The following HVCN1 variants were observed in gnomAD, a reference collection of about 807,000 sequenced individuals.
HVCN1 encodes hydrogen voltage gated channel 1.
A neutral mutation model predicts 29.2 loss-of-function variants in HVCN1; 14 were observed. The ratio of observed to expected loss-of-function variants is 0.48; its 90% CI spans 0.32 to 0.75. The LOEUF (loss-of-function observed/expected upper bound fraction) is 0.75. HVCN1 is among the 30% of genes least tolerant of loss of function. The probability of loss-of-function intolerance (pLI) is 0.04; values close to 1 mark genes in which losing one functional copy is unlikely to be tolerated. For synonymous variants in HVCN1, 131 were observed against 133.2 expected (o/e 0.98, Z 0.11); for missense variants, 263 against 341.8 (o/e 0.77, Z 1.82).
At chr12:110,703,988 T>C (rs1319362598) in intron 1 of HVCN1, among the ~76,000 whole-genome samples, 7 of 152,058 alleles carry the variant, frequency 4.6e-5, no homozygotes, top group Non-Finnish European at 1.0e-4. Flanking sequence ...CCTGGCCTAT[T>C]TTTCTCTTTT....
intron 7 of HVCN1, 147 bp from the exon 8 acceptor site, chr12:110,649,622 C>T: frequency 1.5e-6 from 1 of 671,134 alleles, no homozygotes; most frequent in Non-Finnish European, 2.7e-6. Flanking sequence ...GAGGAGACTG[C>T]TACAATCAGA....
rs539571779 is a variant in HVCN1, at chr12:110,656,441, C to T, written c.307-1103G>A. Among the ~76,000 whole-genome samples the T allele has an allele frequency of 8.0e-4, 121 of 152,060 alleles. 1 individual carries two copies. Among genetic ancestry groups the T allele is most frequent in the South Asian group, 1.7e-3 (8 of 4,804 alleles). ...CGGTGACAGCTGGTGATGATGTTGG[C>T]GAGGGCACTGATGGCAGGGTGGAGG... is the stretch of plus-strand genomic sequence containing the variant. On this transcript the variant is annotated intron_variant, in intron 4 of 7. Transcript: ENST00000242607.
At chr12:110,656,486 A>G (rs557885894) in intron 4 of HVCN1, among the ~76,000 whole-genome samples, 36 of 152,276 alleles carry the variant, frequency 2.4e-4, no homozygotes, top group Admixed American at 1.6e-3. Flanking sequence ...TGGGGTTACC[A>G]TAATGGCAGT....
intron 3 of HVCN1, among the ~76,000 whole-genome samples, chr12:110,672,313 C>T (rs2068604709): frequency 1.3e-5 from 2 of 152,176 alleles, no homozygotes; most frequent in Non-Finnish European, 2.9e-5. Context: ...TATTGCTTGA[C>T]TTTACAAGAG....
intron 4 of HVCN1, among the ~76,000 whole-genome samples, chr12:110,657,968 G>A (rs1050420858): frequency 6.6e-6 from 1 of 152,174 alleles, no homozygotes; most frequent in Non-Finnish European, 1.5e-5. Flanking sequence ...GCGTCCTCTC[G>A]GGGAAAGTGG....
intron 2 of HVCN1, among the ~76,000 whole-genome samples, chr12:110,701,093 T>A (rs2069559464): frequency 6.6e-6 from 1 of 152,216 alleles, no homozygotes; most frequent in African/African-American, 2.4e-5. Flanking sequence ...AGAGGCCGCA[T>A]CTGGTCTCAC....
At chr12:110,656,337 C>T (rs1015426990) in intron 4 of HVCN1, among the ~76,000 whole-genome samples, 7 of 152,036 alleles carry the variant, frequency 4.6e-5, no homozygotes, top group Non-Finnish European at 8.8e-5. Flanking sequence ...TGACAGAGGA[C>T]AGGTGGGGAG....
chr12:110,685,340 C>A (rs1419467361), intron 2 of HVCN1, among the ~76,000 whole-genome samples: 1 of 152,204 alleles, frequency 6.6e-6, no homozygotes. Flanking sequence ...GATTCTCCCC[C>A]AGAGCCTGCA....
At chr12:110,684,657 T>C (rs1333620320) in intron 2 of HVCN1, among the ~76,000 whole-genome samples, 2 of 152,146 alleles carry the variant, frequency 1.3e-5, no homozygotes, top group African/African-American at 4.8e-5. Context: ...GAAAAGGGAG[T>C]GATCTGGGTG....
intron 5 of HVCN1, among the ~76,000 whole-genome samples, chr12:110,654,135 T>C (rs964885249): frequency 6.6e-6 from 1 of 151,906 alleles, no homozygotes; most frequent in Non-Finnish European, 1.5e-5. Flanking sequence ...ATGGATTCTA[T>C]TAAAAATAGA....
chr12:110,655,423 A>G, intron 4 of HVCN1, 85 bp from the exon 5 acceptor site: 1 of 1,035,216 alleles, frequency 9.7e-7, no homozygotes, highest in Non-Finnish European at 1.5e-6. Context: ...GCTTGGAAGC[A>G]CGTGGGTGAA....
chr12:110,667,039 T>G (rs1304605375), intron 3 of HVCN1, among the ~76,000 whole-genome samples: 1 of 152,170 alleles, frequency 6.6e-6, no homozygotes, highest in Admixed American at 6.5e-5. Context: ...TCTCCCATGC[T>G]GGGCTCATCT....
chr12:110,682,091 G>A (rs190979132), intron 3 of HVCN1, among the ~76,000 whole-genome samples: 3 of 152,196 alleles, frequency 2.0e-5, no homozygotes, highest in Non-Finnish European at 4.4e-5. Context: ...AAGTTCAAGC[G>A]ATTCTCCTGC....
chr12:110,651,290 G>T lies in HVCN1; in HGVS notation c.570C>A (p.Phe190Leu). 6.2e-7 allele frequency: 1 copy of T among 1,614,052 alleles called. No individual in the cohort carries two copies. Reference protein sequence around the residue: ...VSFILDIVLLFQEHQFEALGL... With the variant: ...VSFILDIVLLLQEHQFEALGL... ...CCAGAGCCTCAAACTGGTGCTCCTG[G>T]AACAGGAGGACAATGTCGAGGATGA... The change falls in exon 6 of 8, where the codon TTC becomes TTA. Residue 190 changes from phenylalanine (F) to leucine (L), a missense_variant. This residue lies in a region of HVCN1 where 55 missense variants were observed against 109.4 expected (regional missense o/e 0.50). Transcript: ENST00000242607.
upstream of HVCN1, chr12:110,689,908 A>G (rs1361977370): frequency 6.6e-6 from 1 of 152,346 alleles, no homozygotes; most frequent in Non-Finnish European, 1.5e-5. The surrounding 1 kb of genome is among the most constrained non-coding windows in gnomAD (Gnocchi z 5.7). Flanking sequence ...AACATCCTGC[A>G]AAGCCGTCTT....
upstream of HVCN1, among the ~76,000 whole-genome samples, chr12:110,691,035 G>A (rs563927331): frequency 1.5e-3 from 224 of 152,196 alleles, 1 homozygote; most frequent in South Asian, 2.7e-3. Flanking sequence ...GATTACAGGC[G>A]TGAAACACCA....
chr12:110,696,119 AT>A (rs1366355430), intron 2 of HVCN1, among the ~76,000 whole-genome samples: 72 of 143,888 alleles, frequency 5.0e-4, no homozygotes, highest in African/African-American at 6.1e-4. Context: ...TGCTCAGCTA[AT>A]TTTTTTTTTT....
intron 4 of HVCN1, among the ~76,000 whole-genome samples, chr12:110,660,137 GA>G (rs2068119972): frequency 6.6e-6 from 1 of 152,044 alleles, no homozygotes; most frequent in Admixed American, 6.6e-5. Context: ...AGCACTTTGG[GA>G]GGCTGAGGTG....
At chr12:110,674,343 C>T (rs1473892502) in intron 3 of HVCN1, among the ~76,000 whole-genome samples, 1 of 152,182 alleles carries the variant, frequency 6.6e-6, no homozygotes, top group Non-Finnish European at 1.5e-5. Context: ...TTTACAGGCT[C>T]ATAGGCAAAA....
Sources: gnomAD v4.1 joint callset for allele counts (sites outside exome capture counted in the v4.1 genomes callset) on GRCh38, gnomAD v4.1.1 for gene constraint, gnomAD v4.1.1 regional missense constraint, Gnocchi (gnomAD v3.1) non-coding constraint, MANE v1.5 for transcripts, NCBI Gene and HGNC (gene_info 2026-07-23, HGNC 2026-07-21) for gene names.